Variants in MCF2L observed in about 807,000 individuals in gnomAD.
MCF2L encodes MCF.2 cell line derived transforming sequence like, also known as guanine nucleotide exchange factor DBS.
Under a neutral mutation model 153.4 loss-of-function variants are expected in MCF2L, and 97 were observed. The ratio of observed to expected loss-of-function variants is 0.63; its 90% CI spans 0.54 to 0.75. The LOEUF is 0.75. Among genes scored for constraint, MCF2L ranks in the 30% least tolerant of loss-of-function variants. MCF2L has a pLI of 0.00. For synonymous variants in MCF2L, 659 were observed against 632.2 expected (o/e 1.04, Z -0.64); for missense variants, 1,347 against 1,495.2 (o/e 0.90, Z 1.64).
chr13:112,915,794 G>C (rs2081285510), intron 2 of MCF2L, among the ~76,000 whole-genome samples: 1 of 152,182 alleles, frequency 6.6e-6, no homozygotes, highest in African/African-American at 2.4e-5. Flanking sequence ...TAGTAGTGAT[G>C]TTCAGGTTTG....
Position 113,046,353 on chromosome 13 carries a change from G to A in MCF2L, c.369+992G>A, listed in dbSNP as rs914584628. 13 of 344,926 alleles carry A rather than the reference G, an allele frequency of 3.8e-5. No homozygotes were observed. The highest frequency in any genetic ancestry group is 3.3e-4 in the Admixed American group (8 of 24,124). 21.4% of individuals were successfully genotyped at this position (344,926 alleles called of 1,614,324 possible). A position where few individuals can be genotyped will look rare whatever the true frequency, so the allele number is the denominator to read the frequency against. On this transcript the variant is annotated intron_variant, in intron 4 of 29. Coordinates refer to ENST00000535094, the MANE Select transcript of MCF2L (RefSeq NM_001112732.3). This position sits in a 1 kb window ranked among gnomAD's most constrained non-coding sequence, Gnocchi z 4.4. ...CCACAGCCCGTCCCTCCCAGGCTCT[G>A]GGACCCTGGGTCCTCAGCTGTGATG...
At chr13:112,939,617 C>G (rs2081555104) in intron 2 of MCF2L, among the ~76,000 whole-genome samples, 1 of 152,182 alleles carries the variant, frequency 6.6e-6, no homozygotes, top group African/African-American at 2.4e-5. Context: ...TACCTGGACA[C>G]TTTGGGTTAA....
chr13:112,981,388 G>A (rs1401975354), intron 1 of MCF2L, among the ~76,000 whole-genome samples: 1 of 152,234 alleles, frequency 6.6e-6, no homozygotes, highest in African/African-American at 2.4e-5. Context: ...CGATGAGAGT[G>A]TCATCCGCTG....
intron 2 of MCF2L, among the ~76,000 whole-genome samples, chr13:112,931,100 G>A (rs751879886): frequency 1.6e-4 from 24 of 152,232 alleles, no homozygotes; most frequent in Non-Finnish European, 3.5e-4. Context: ...GAGGTTCAGA[G>A]TCCTGGCTGT....
At chr13:112,982,326 C>T (rs1021683776) in intron 1 of MCF2L, among the ~76,000 whole-genome samples, 3 of 152,186 alleles carry the variant, frequency 2.0e-5, no homozygotes, top group African/African-American at 7.2e-5. Flanking sequence ...AGATGTTGGC[C>T]GTGCCGTGGA....
In MCF2L at chr13:112,993,434, G is replaced by A. The variant is rs111486480; in HGVS notation, c.80-21329G>A. On this transcript the variant is annotated intron_variant, in intron 1 of 29. Transcript: ENST00000535094. The surrounding 1 kb of genome is among the most constrained non-coding windows in gnomAD (Gnocchi z 4.6). ...TATGTGAAATGAGACTCAGCTTTCA[G>A]CAAGGAAATCAGGGAGCAGGTGGCA... Among the ~76,000 whole-genome samples, 1 of 152,176 alleles carries A rather than the reference G, an allele frequency of 6.6e-6. No individual in the cohort carries two copies. Among genetic ancestry groups the A allele is most frequent in the South Asian group, 2.1e-4 (1 of 4,826 alleles).
chr13:113,086,705 T>A (rs1410153590), intron 21 of MCF2L, among the ~76,000 whole-genome samples: 1 of 152,178 alleles, frequency 6.6e-6, no homozygotes, highest in Non-Finnish European at 1.5e-5. Context: ...ATTCATCTTT[T>A]GTCCGTCTTT....
rs867591996 is a variant in MCF2L at position 113,090,389 on chromosome 13, A to G, written c.2953+661A>G. On this transcript the variant is annotated intron_variant, in intron 26 of 29. Transcript: ENST00000535094. The stretch of plus-strand genomic sequence containing the variant: ...GAGCTTTTCAAATGGAGGCTTGCTC[A>G]GAAACGGAGCTGTCCTTGGCTTTCC... 28 of 985,468 alleles carry G rather than the reference A, an allele frequency of 2.8e-5. No individual in the cohort carries two copies. The South Asian group carries it at 1.2e-3, about 41-fold the overall frequency. 61.0% of individuals were successfully genotyped at this position (985,468 alleles called of 1,614,324 possible).
rs1384345618 is a variant in MCF2L at position 112,904,429 on chromosome 13, G to A, written c.169+2058G>A. Among the ~76,000 whole-genome samples, 1 of 152,180 alleles carries A rather than the reference G, an allele frequency of 6.6e-6. No individual in the cohort carries two copies. Among genetic ancestry groups the A allele is most frequent in the Non-Finnish European group, 1.5e-5 (1 of 68,026 alleles). On this transcript the variant is annotated intron_variant, in intron 2 of 29. Transcript: ENST00000375608. The surrounding 1 kb of genome is among the most constrained non-coding windows in gnomAD (Gnocchi z 4.2). Reference sequence around the variant, plus strand: ...TGGGTTGAGAAGCCTCTGCAGTGTGGGCAGCAGTAGTAGCATCCAGGCAGC... The same window carrying A: ...TGGGTTGAGAAGCCTCTGCAGTGTGAGCAGCAGTAGTAGCATCCAGGCAGC...
intron 2 of MCF2L, among the ~76,000 whole-genome samples, chr13:112,908,300 C>G (rs2081193054): frequency 6.6e-6 from 1 of 152,220 alleles, no homozygotes; most frequent in African/African-American, 2.4e-5. Flanking sequence ...GACCTCTGGT[C>G]TCCCAAGCGC....
intron 1 of MCF2L, among the ~76,000 whole-genome samples, chr13:112,978,273 CTG>C (rs2082281304): frequency 6.6e-6 from 1 of 152,232 alleles, no homozygotes; most frequent in Non-Finnish European, 1.5e-5. Context: ...CTGCTTTCCT[CTG>C]TAGCTGTTTT....
Position 113,077,054 on chromosome 13 carries a change from G to A in MCF2L, c.1503G>A (p.Glu501=), listed in dbSNP as rs369170724. 1 of 1,610,226 alleles carries A rather than the reference G, an allele frequency of 6.2e-7. No individual in the cohort carries two copies. The highest frequency in any genetic ancestry group is 8.5e-7 in the Non-Finnish European group (1 of 1,178,204). ...YESILNQDLM[E]HVRKVFQKQA... ...CCTTACTGAGCATGCGGTTTCAGGA[G>A]CACGTGCGAAAGGTCTTCCAGAAGC... Residue 501 remains glutamate (E), a splice_region_variant and synonymous_variant, in exon 13 of 30, where the codon GAG becomes GAA. Transcript: ENST00000535094.
chr13:112,983,496 G>A lies in MCF2L; in HGVS notation c.79+14038G>A, dbSNP rs1223809171. On this transcript the variant is annotated intron_variant, in intron 1 of 29. Transcript: ENST00000535094. This position sits in a 1 kb window ranked among gnomAD's most constrained non-coding sequence, Gnocchi z 4.0. Reference sequence around the variant, plus strand: ...GCTTAAGTCAAGCTCTGTAAATGCGGCACCCGACGTCTGAGGCCCGCCACG... The same window carrying A: ...GCTTAAGTCAAGCTCTGTAAATGCGACACCCGACGTCTGAGGCCCGCCACG... 3.3e-5 allele frequency among the ~76,000 whole-genome samples: 5 copies of A among 152,186 alleles called. No homozygotes were observed. The highest frequency in any genetic ancestry group is 2.9e-5 in the Non-Finnish European group (2 of 68,034).
intron 4 of MCF2L, among the ~76,000 whole-genome samples, chr13:113,050,670 TGGAGGGGGGGGTGGCTGG>T (rs2087194654): frequency 2.1e-5 from 1 of 48,282 alleles, no homozygotes; most frequent in African/African-American, 9.3e-5. Context: ...GCCGGGGCGG[TGGAGGGGGGGGTGGCTGG>T]GGGAGCGGGG....
intron 2 of MCF2L, among the ~76,000 whole-genome samples, chr13:112,906,635 C>T (rs1007065625): frequency 2.6e-5 from 4 of 152,262 alleles, no homozygotes; most frequent in African/African-American, 9.6e-5. Flanking sequence ...GTAATGCGTT[C>T]TGGCTCTGGT....
In MCF2L at chr13:112,905,769, G is replaced by A. The variant is rs566192723; in HGVS notation, c.169+3398G>A. ...TCCATAGTGTGGGTGGACCACATTTGTTTCTTCACACATTCATCCACGGAC... is the reference window on the plus strand; with the variant it reads ...TCCATAGTGTGGGTGGACCACATTTATTTCTTCACACATTCATCCACGGAC... On this transcript the variant is annotated intron_variant, in intron 2 of 29. Coordinates refer to the MCF2L transcript ENST00000375608. 2.0e-4 allele frequency among the ~76,000 whole-genome samples: 30 copies of A among 152,218 alleles called. 2 individuals are homozygous for A. The South Asian group carries it at 5.8e-3, about 29-fold the overall frequency.
intron 1 of MCF2L, among the ~76,000 whole-genome samples, chr13:112,985,791 C>T (rs1464216663): frequency 1.3e-5 from 2 of 152,222 alleles, no homozygotes; most frequent in African/African-American, 4.8e-5. Flanking sequence ...CACCAGGCTG[C>T]CCCGCGTCTT....
At chr13:112,948,973 A>G (rs2081664513) in intron 2 of MCF2L, among the ~76,000 whole-genome samples, 1 of 152,184 alleles carries the variant, frequency 6.6e-6, no homozygotes, top group African/African-American at 2.4e-5. Context: ...GGCACAGGAG[A>G]ATTGCCTGAA....
intron 27 of MCF2L, 38 bp downstream of exon 27, chr13:113,094,673 C>T: frequency 6.3e-7 from 1 of 1,591,858 alleles, no homozygotes; most frequent in Non-Finnish European, 8.5e-7. Context: ...GGGGTGGGGG[C>T]TGCCCTCCGG....
Sources: allele counts gnomAD v4.1 joint callset (sites outside exome capture counted in the v4.1 genomes callset), GRCh38; gene constraint gnomAD v4.1.1; non-coding constraint Gnocchi (gnomAD v3.1); transcripts MANE v1.5; gene names NCBI Gene and HGNC (gene_info 2026-07-23, HGNC 2026-07-21).